ADK: variants seen among roughly 807,000 people sequenced by gnomAD.
The protein encoded by ADK is N6,N6-dimethyladenosine kinase.
In ADK, 24 loss-of-function variants were observed where a neutral mutation model predicts 44.7. The ratio of observed to expected loss-of-function variants is 0.54; its 90% CI spans 0.39 to 0.76. The LOEUF is 0.76. Among genes scored for constraint, ADK ranks in the 30% least tolerant of loss-of-function variants. The pLI is 0.00. For synonymous variants in ADK, 128 were observed against 142.6 expected, an observed-to-expected ratio of 0.90 and a Z score of 0.73; for missense variants, 321 against 425.1, an observed-to-expected ratio of 0.76 and a Z score of 2.15.
rs1167630238 is a variant in ADK at position 74,285,942 on chromosome 10, T to C, written c.195-28725T>C. On this transcript the variant is annotated intron_variant, in intron 3 of 10. Transcript: ENST00000539909. Reference sequence around the variant, plus strand: ...ATTGTTAATATCCTTTATTTCAGATTGACATATACCCTTAAATATTCTTAA... The same window carrying C: ...ATTGTTAATATCCTTTATTTCAGATCGACATATACCCTTAAATATTCTTAA... 2.6e-5 allele frequency among the ~76,000 whole-genome samples: 4 copies of C among 152,180 alleles called. No individual in the cohort carries two copies. The East Asian group carries it at 7.7e-4, about 29-fold the overall frequency.
chr10:74,165,784 G>C (rs1023106226), intron 1 of ADK, among the ~76,000 whole-genome samples: 1 of 152,160 alleles, frequency 6.6e-6, no homozygotes, highest in Non-Finnish European at 1.5e-5. Flanking sequence ...ATTGTCAATT[G>C]TGTTTTATAA....
At chr10:74,614,513 C>T (rs540806667) in intron 9 of ADK, among the ~76,000 whole-genome samples, 1 of 152,084 alleles carries the variant, frequency 6.6e-6, no homozygotes, top group Non-Finnish European at 1.5e-5. Context: ...AAATACAATA[C>T]TTATAGCACT....
chr10:74,269,861 G>T (rs1846359529), intron 3 of ADK, among the ~76,000 whole-genome samples: 1 of 152,154 alleles, frequency 6.6e-6, no homozygotes, highest in African/African-American at 2.4e-5. Flanking sequence ...AGCTGGGCGT[G>T]GTGGCACGTG....
chr10:74,355,944 A>T (rs1250222024), intron 4 of ADK, among the ~76,000 whole-genome samples: 1 of 148,912 alleles, frequency 6.7e-6, no homozygotes, highest in Admixed American at 6.7e-5. Flanking sequence ...CCTACCAAGG[A>T]TACCTCTGTG....
At chr10:74,694,617 G>A (rs1856109768) in intron 10 of ADK, among the ~76,000 whole-genome samples, 1 of 151,724 alleles carries the variant, frequency 6.6e-6, no homozygotes, top group African/African-American at 2.4e-5. Context: ...GAGTAGCTAG[G>A]ACTAAAGGTT....
intron 7 of ADK, among the ~76,000 whole-genome samples, chr10:74,567,688 TTGTTTTTTTTG>T (rs1850724805): frequency 1.4e-5 from 2 of 138,200 alleles, no homozygotes; most frequent in African/African-American, 3.1e-5. Context: ...TCTGTTTTTT[TTGTTTTTTTTG>T]TTTTTTTTTT....
chr10:74,504,555 C>T (rs765209258), intron 6 of ADK, among the ~76,000 whole-genome samples: 4 of 152,090 alleles, frequency 2.6e-5, no homozygotes, highest in Non-Finnish European at 5.9e-5. Flanking sequence ...ATTTTTGTAA[C>T]ACAGTAAGCT....
chr10:74,260,148 G>C (rs115674812), intron 3 of ADK, among the ~76,000 whole-genome samples: 1 of 151,980 alleles, frequency 6.6e-6, no homozygotes, highest in Non-Finnish European at 1.5e-5. Context: ...GAAAAATCTT[G>C]CCCTATGTTT....
intron 4 of ADK, among the ~76,000 whole-genome samples, chr10:74,321,820 G>A (rs1243135043): frequency 6.6e-6 from 1 of 152,078 alleles, no homozygotes. Flanking sequence ...TAATAAACTA[G>A]TGTTCATAAT....
intron 3 of ADK, among the ~76,000 whole-genome samples, chr10:74,290,944 G>A (rs766677161): frequency 5.9e-5 from 9 of 152,188 alleles, no homozygotes; most frequent in Admixed American, 1.3e-4. Flanking sequence ...GGAGAAAATG[G>A]GCTGCTTCTT....
At chr10:74,703,839 A>C (rs1216609578) in intron 10 of ADK, among the ~76,000 whole-genome samples, 1 of 152,200 alleles carries the variant, frequency 6.6e-6, no homozygotes, top group Non-Finnish European at 1.5e-5. Context: ...ACTTCCTCTC[A>C]AATAGTTCAG....
chr10:74,248,129 C>A (rs895914191), intron 3 of ADK, among the ~76,000 whole-genome samples: 1 of 151,946 alleles, frequency 6.6e-6, no homozygotes, highest in East Asian at 1.9e-4. Context: ...ACATAATATC[C>A]CTCTTCCTTT....
rs574758549 is a variant in ADK at position 74,371,595 on chromosome 10, G to T, written c.274-22546G>T. 2.3e-5 allele frequency: 26 copies of T among 1,151,244 alleles called. No individual in the cohort carries two copies. In the East Asian group the frequency reaches 5.4e-4, roughly 24 times the overall value. The allele number at this position is 1,151,244 out of a possible 1,614,324, so 71.3% of individuals were successfully genotyped here. On this transcript the variant is annotated intron_variant, in intron 4 of 10. Transcript: ENST00000539909. ...GGAGGATGTCCTTAAGTTCCTTGCA[G>T]CAGGAACCTGCTTAGGTGGTACCAA...
At chr10:74,605,603 C>A (rs1009800846) in intron 9 of ADK, among the ~76,000 whole-genome samples, 4 of 152,138 alleles carry the variant, frequency 2.6e-5, no homozygotes, top group African/African-American at 9.7e-5. Flanking sequence ...CCGACTTGAT[C>A]ATGATAGATA....
At chr10:74,339,712 G>A (rs747415102) in intron 4 of ADK, among the ~76,000 whole-genome samples, 2 of 152,174 alleles carry the variant, frequency 1.3e-5, no homozygotes, top group African/African-American at 2.4e-5. Context: ...TAAATCTTAA[G>A]TGTGCAAATA....
chr10:74,445,340 A>G (rs1226701726), intron 6 of ADK, among the ~76,000 whole-genome samples: 1 of 151,866 alleles, frequency 6.6e-6, no homozygotes, highest in Non-Finnish European at 1.5e-5. Context: ...TATGTTTCTT[A>G]TTATTCATTC....
chr10:74,402,738 T>G (rs1202024976), intron 6 of ADK, among the ~76,000 whole-genome samples: 1 of 152,234 alleles, frequency 6.6e-6, no homozygotes, highest in East Asian at 1.9e-4. Context: ...TTTTGAAGCC[T>G]TCTTCTCTCA....
intron 8 of ADK, among the ~76,000 whole-genome samples, chr10:74,590,468 CTT>C (rs1264800272): frequency 6.6e-6 from 1 of 152,058 alleles, no homozygotes. Context: ...TGTCATCAGA[CTT>C]GACAAACGAG....
intron 3 of ADK, among the ~76,000 whole-genome samples, chr10:74,254,055 C>A (rs1353947883): frequency 3.3e-5 from 5 of 152,076 alleles, no homozygotes. Flanking sequence ...GTGTGAGACA[C>A]CGTGCCTGGC....
Sources: allele counts gnomAD v4.1 joint callset (sites outside exome capture counted in the v4.1 genomes callset), GRCh38; gene constraint gnomAD v4.1.1; transcripts MANE v1.5; gene names NCBI Gene and HGNC (gene_info 2026-07-23, HGNC 2026-07-21).